Variants in FRMD5 observed in about 807,000 individuals in gnomAD.
FRMD5 encodes FERM domain-containing protein 5.
In FRMD5, 20 loss-of-function variants were observed where a neutral mutation model predicts 69.0. That is an observed-to-expected ratio of 0.29 (90% confidence interval 0.20 to 0.42). The LOEUF is 0.42. Ranked by LOEUF, FRMD5 falls within the 10% of genes least tolerant of loss-of-function variation. The pLI is 1.00. For synonymous variants in FRMD5, 271 were observed against 260.1 expected, an observed-to-expected ratio of 1.04 and a Z score of -0.40; for missense variants, 595 against 708.6, an observed-to-expected ratio of 0.84 and a Z score of 1.82.
At chr15:43,919,912 G>A (rs965310289) in intron 2 of FRMD5, 103 bp from the exon 3 acceptor site, 1 of 1,030,288 alleles carries the variant, frequency 9.7e-7, no homozygotes, top group Non-Finnish European at 1.5e-6. Context: ...AGCCTAGGGT[G>A]AAAGCAGCCC....
At chr15:44,040,293 C>A (rs1263528308) in intron 1 of FRMD5, among the ~76,000 whole-genome samples, 1 of 152,074 alleles carries the variant, frequency 6.6e-6, no homozygotes, top group Non-Finnish European at 1.5e-5. Flanking sequence ...TGCCAACATT[C>A]AAATTCAGGA....
rs1372807293 is a variant in FRMD5, at chr15:44,110,315, C to T, written c.102+84638G>A. Among the ~76,000 whole-genome samples, 7 of 152,184 alleles carry T rather than the reference C, an allele frequency of 4.6e-5. No homozygotes were observed. In the South Asian group the frequency reaches 1.4e-3, roughly 31 times the overall value. On this transcript the variant is annotated intron_variant, in intron 1 of 13. Coordinates refer to ENST00000417257, the MANE Select transcript of FRMD5 (RefSeq NM_032892.5). ...TCAAGCAATCCCTCTGCCTCAGCCT[C>T]CTGAGTAGCTGGGACTGCAGGCCCA...
At chr15:44,005,652 A>C (rs1451389224) in intron 1 of FRMD5, among the ~76,000 whole-genome samples, 1 of 152,126 alleles carries the variant, frequency 6.6e-6, no homozygotes, top group Non-Finnish European at 1.5e-5. Flanking sequence ...AAGGCATCTC[A>C]CATGGCCGGA....
upstream of FRMD5, among the ~76,000 whole-genome samples, chr15:44,199,120 T>A (rs2078326571): frequency 6.6e-6 from 1 of 152,148 alleles, no homozygotes; most frequent in African/African-American, 2.4e-5. Flanking sequence ...ACCATTTCTT[T>A]AGATTTTGGC....
At chr15:43,989,799 G>A (rs1219497515) in intron 1 of FRMD5, 3 of 1,042,180 alleles carry the variant, frequency 2.9e-6, no homozygotes, top group Non-Finnish European at 4.5e-6. Context: ...TGGCTGGCCT[G>A]TCGAAGATCT....
chr15:44,068,242 A>G (rs1202011924), intron 1 of FRMD5, among the ~76,000 whole-genome samples: 2 of 152,194 alleles, frequency 1.3e-5, no homozygotes, highest in Non-Finnish European at 2.9e-5. Flanking sequence ...TTTCATTCCT[A>G]TATACCCAAG....
chr15:44,030,091 T>G (rs1339278987), intron 1 of FRMD5, among the ~76,000 whole-genome samples: 1 of 152,224 alleles, frequency 6.6e-6, no homozygotes, highest in Admixed American at 6.5e-5. Flanking sequence ...AACAAAAAAG[T>G]TGACAGCTGA....
intron 1 of FRMD5, among the ~76,000 whole-genome samples, chr15:44,161,183 T>G (rs1052293492): frequency 2.6e-5 from 4 of 152,172 alleles, no homozygotes; most frequent in African/African-American, 9.7e-5. Flanking sequence ...ATGTTGTTCC[T>G]TCCACCCATG....
chr15:44,090,687 G>A (rs568365443), intron 1 of FRMD5, among the ~76,000 whole-genome samples: 20 of 152,142 alleles, frequency 1.3e-4, no homozygotes, highest in African/African-American at 4.6e-4. Flanking sequence ...TGATCCGCCC[G>A]CCTCACCCTC....
At chr15:43,958,392 T>C (rs904115210) in intron 1 of FRMD5, among the ~76,000 whole-genome samples, 4 of 151,876 alleles carry the variant, frequency 2.6e-5, no homozygotes, top group African/African-American at 4.8e-5. Flanking sequence ...AAGGGGGAGA[T>C]GGTTCTGTAG....
chr15:44,119,977 C>G (rs879180306), intron 1 of FRMD5, among the ~76,000 whole-genome samples: 2 of 152,046 alleles, frequency 1.3e-5, no homozygotes, highest in African/African-American at 4.8e-5. Context: ...TTCAAGGGAA[C>G]AGAATGTGCA....
intron 1 of FRMD5, among the ~76,000 whole-genome samples, chr15:44,131,931 A>G (rs747660261): frequency 6.6e-6 from 1 of 152,196 alleles, no homozygotes; most frequent in South Asian, 2.1e-4. Flanking sequence ...TTTATTGTGC[A>G]CTTTATTTCT....
chr15:44,079,060 A>G (rs1033090787), intron 1 of FRMD5, among the ~76,000 whole-genome samples: 7 of 152,196 alleles, frequency 4.6e-5, no homozygotes, highest in Non-Finnish European at 1.0e-4. Context: ...GAGAACTCCT[A>G]TAACCCAATA....
At chr15:43,945,947 T>C (rs528249592) in intron 1 of FRMD5, among the ~76,000 whole-genome samples, 1 of 152,156 alleles carries the variant, frequency 6.6e-6, no homozygotes, top group Admixed American at 6.5e-5. Context: ...TCCCAGCTAC[T>C]TGGGAGGCTG....
At chr15:43,967,150 T>G (rs945742110) in intron 1 of FRMD5, among the ~76,000 whole-genome samples, 2 of 151,926 alleles carry the variant, frequency 1.3e-5, no homozygotes, top group African/African-American at 4.8e-5. Flanking sequence ...TACAGTTTTG[T>G]GTCATTTTAC....
intron 1 of FRMD5, among the ~76,000 whole-genome samples, chr15:44,050,254 A>C (rs953374240): frequency 6.6e-6 from 1 of 152,236 alleles, no homozygotes; most frequent in African/African-American, 2.4e-5. Context: ...GAGTGGTTAC[A>C]TCTTTAGAAT....
At chr15:44,102,434 T>C (rs1455102595) in intron 1 of FRMD5, among the ~76,000 whole-genome samples, 1 of 152,094 alleles carries the variant, frequency 6.6e-6, no homozygotes, top group Non-Finnish European at 1.5e-5. Context: ...AATCTAAGAA[T>C]GTACTTCTGG....
At chr15:44,130,166 G>A (rs919044134) in intron 1 of FRMD5, among the ~76,000 whole-genome samples, 1 of 152,172 alleles carries the variant, frequency 6.6e-6, no homozygotes, top group African/African-American at 2.4e-5. Flanking sequence ...GCTTCAGCAG[G>A]TTGCTAACAC....
At chr15:44,154,828 T>C (rs945392684) in intron 1 of FRMD5, among the ~76,000 whole-genome samples, 1 of 152,138 alleles carries the variant, frequency 6.6e-6, no homozygotes, top group African/African-American at 2.4e-5. Flanking sequence ...CATTTTGGTA[T>C]AATAAAAATT....
Sources: allele counts gnomAD v4.1 joint callset (sites outside exome capture counted in the v4.1 genomes callset), GRCh38; gene constraint gnomAD v4.1.1; transcripts MANE v1.5; gene names NCBI Gene and HGNC (gene_info 2026-07-23, HGNC 2026-07-21).